TIAM2: variants seen among roughly 807,000 people sequenced by gnomAD.
TIAM2 encodes the protein TIAM Rac1 associated GEF 2, also known as rho guanine nucleotide exchange factor TIAM2.
TIAM2 carries 80 observed loss-of-function variants against 152.9 expected under a neutral mutation model. That is an observed-to-expected ratio of 0.52 (90% CI 0.44 to 0.63). The LOEUF (loss-of-function observed/expected upper bound fraction) is 0.63, where lower values mean the gene tolerates loss of function less well. Among genes scored for constraint, TIAM2 ranks in the 30% least tolerant of loss-of-function variants. The pLI is 0.00. For missense variants in TIAM2, 1,965 were observed against 2,120.1 expected, an observed-to-expected ratio of 0.93 and a Z score of 1.44; for synonymous variants, 804 against 838.0, an observed-to-expected ratio of 0.96 and a Z score of 0.70.
Position 155,130,319 on chromosome 6 carries a change from T to G in TIAM2, c.1096T>G (p.Phe366Val). The G allele has an allele frequency of 6.2e-7, 1 of 1,614,086 alleles. No individual in the cohort carries two copies. The highest frequency in any genetic ancestry group is 8.5e-7 in the Non-Finnish European group (1 of 1,180,018). The change falls in exon 4 of 27, where the codon TTT (phenylalanine) becomes GTT (valine). Residue 366 changes from phenylalanine (F) to valine (V), a missense_variant. Physicochemically the swap from Phe to Val is conservative, Grantham distance 50. Coordinates refer to ENST00000682666, the MANE Select transcript of TIAM2 (RefSeq NM_012454.4). ...FTLPCRKPKAFVEDTAKKDSL... is the reference protein window; with the variant it reads ...FTLPCRKPKAVVEDTAKKDSL... ...TCTCCCCTGTCGGAAGCCCAAAGCC[T>G]TTGTTGAGGATACTGCGAAGAAGGA...
At chr6:155,140,569 T>TGA (rs1243980626) in intron 5 of TIAM2, among the ~76,000 whole-genome samples, 7 of 113,446 alleles carry the variant, frequency 6.2e-5, no homozygotes, top group South Asian at 3.3e-4. Flanking sequence ...TGTGTGTGTG[T>TGA]GTGTGAGAGA....
intron 14 of TIAM2, among the ~76,000 whole-genome samples, chr6:155,209,199 G>A (rs1029302124): frequency 5.3e-5 from 8 of 151,596 alleles, no homozygotes; most frequent in Non-Finnish European, 1.2e-4. Context: ...CTCACCAACT[G>A]CCTCTCCCCA....
chr6:155,031,202 ATTCAC>A (rs941972817), intron 1 of TIAM2, among the ~76,000 whole-genome samples: 5 of 152,206 alleles, frequency 3.3e-5, no homozygotes, highest in African/African-American at 9.6e-5. Context: ...TGTAACACCT[ATTCAC>A]TTCTTGTCAA....
At chr6:155,158,560 CTTT>C (rs796728309) in intron 7 of TIAM2, among the ~76,000 whole-genome samples, 1 of 145,720 alleles carries the variant, frequency 6.9e-6, no homozygotes, top group South Asian at 2.2e-4. Context: ...ATGTTTTTTA[CTTT>C]TTTTTTTTTG....
intron 9 of TIAM2, among the ~76,000 whole-genome samples, chr6:155,170,544 T>C (rs1334934147): frequency 1.3e-5 from 2 of 152,174 alleles, no homozygotes; most frequent in Non-Finnish European, 2.9e-5. Context: ...GAGGTTGCAG[T>C]GAGCCAAGAT....
chr6:155,254,755 C>A (rs955737477), intron 26 of TIAM2, 182 bp downstream of exon 26: 2 of 666,266 alleles, frequency 3.0e-6, no homozygotes, highest in South Asian at 2.2e-5. Context: ...AATACAGCCA[C>A]CCCCAACCCC....
At position 155,168,982 on chromosome 6, in the gene TIAM2, GT is replaced by G. The variant is rs939972144; in HGVS notation, c.2361+3582del. On this transcript the variant is annotated intron_variant, in intron 9 of 26. Coordinates refer to ENST00000682666, the MANE Select transcript of TIAM2 (RefSeq NM_012454.4). ...AATGACACAAATGCTAACTTTTTCT[GT>G]TTTTTTTTGTTTGTTTTTGTTTTTG... The G allele has an allele frequency of 4.6e-4, 617 of 1,339,342 alleles. 4 individuals carry two copies. In the African/African-American group the frequency reaches 6.5e-3, roughly 14 times the overall value. The allele number at this position is 1,339,342 out of a possible 1,614,324, so 83.0% of individuals were successfully genotyped here.
intron 2 of TIAM2, among the ~76,000 whole-genome samples, chr6:155,104,064 ACCCC>A (rs1318379082): frequency 2.0e-5 from 1 of 49,032 alleles, no homozygotes; most frequent in African/African-American, 7.6e-5. Context: ...ACCCCCACAC[ACCCC>A]CACACACCAA....
intron 10 of TIAM2, among the ~76,000 whole-genome samples, chr6:155,177,195 A>G (rs1318042949): frequency 6.6e-6 from 1 of 152,220 alleles, no homozygotes; most frequent in Non-Finnish European, 1.5e-5. Context: ...TCATGATCCC[A>G]CACTTCCATG....
intron 16 of TIAM2, among the ~76,000 whole-genome samples, chr6:155,241,518 C>T (rs1783034631): frequency 6.6e-6 from 1 of 152,156 alleles, no homozygotes; most frequent in South Asian, 2.1e-4. Flanking sequence ...CTCTAAATGT[C>T]TTCCAACTCT....
rs577442266 is a variant in TIAM2 at position 155,213,897 on chromosome 6, C to T, written c.3168+2590C>T. Among the ~76,000 whole-genome samples, 4 of 152,358 alleles carry T rather than the reference C, an allele frequency of 2.6e-5. No homozygotes were observed. The highest frequency in any genetic ancestry group is 2.1e-4 in the South Asian group (1 of 4,830). On this transcript the variant is annotated intron_variant, in intron 15 of 26. Transcript: ENST00000682666. The surrounding 1 kb of genome is among the most constrained non-coding windows in gnomAD (Gnocchi z 4.2). ...ACTCAACTTTGCTCCAAGAGCAGAGCGGGCACCAGGAGTAGGGAGAAACCA... is the reference window on the plus strand; with the variant it reads ...ACTCAACTTTGCTCCAAGAGCAGAGTGGGCACCAGGAGTAGGGAGAAACCA...
At chr6:155,125,015 G>C (rs1345714926) in intron 2 of TIAM2, among the ~76,000 whole-genome samples, 5 of 152,090 alleles carry the variant, frequency 3.3e-5, no homozygotes, top group African/African-American at 9.7e-5. Context: ...GGTGCCTCAT[G>C]CTTGTAATCC....
intron 1 of TIAM2, among the ~76,000 whole-genome samples, chr6:155,018,923 C>T (rs1475256498): frequency 6.8e-6 from 1 of 148,118 alleles, no homozygotes; most frequent in East Asian, 2.0e-4. Flanking sequence ...ACCTGTAATC[C>T]CAGCTACTTG....
intron 19 of TIAM2, 23 bp downstream of exon 19, chr6:155,245,754 A>ACTTT (rs780216593): frequency 7.1e-6 from 4 of 562,928 alleles, no homozygotes; most frequent in Non-Finnish European, 7.5e-6. Context: ...TGCCTTTTAT[A>ACTTT]GTTTTTTTTT....
chr6:155,247,283 T>G (rs1783386884), intron 19 of TIAM2, among the ~76,000 whole-genome samples: 1 of 152,190 alleles, frequency 6.6e-6, no homozygotes. Context: ...TTATGAAATT[T>G]TTGTGGGTAT....
intron 1 of TIAM2, among the ~76,000 whole-genome samples, chr6:155,059,329 C>CGCATGTGCGT (rs141796855): frequency 3.7e-4 from 55 of 149,408 alleles, no homozygotes; most frequent in African/African-American, 1.3e-3. Flanking sequence ...TGTGTGTGCG[C>CGCATGTGCGT]GTGTATGTTT....
intron 15 of TIAM2, among the ~76,000 whole-genome samples, chr6:155,212,217 G>A (rs1343699737): frequency 2.6e-5 from 4 of 152,202 alleles, no homozygotes; most frequent in African/African-American, 9.7e-5. Context: ...GCCAAGGAGT[G>A]GAATTGCCAG....
chr6:155,178,957 T>C, intron 10 of TIAM2, 82 bp from the exon 11 acceptor site: 1 of 1,135,774 alleles, frequency 8.8e-7, no homozygotes, highest in Admixed American at 2.2e-5. Context: ...AGATTTCTAC[T>C]TTGATTTTTA....
intron 14 of TIAM2, among the ~76,000 whole-genome samples, chr6:155,189,949 C>T (rs1781156639): frequency 1.3e-5 from 2 of 152,022 alleles, no homozygotes; most frequent in African/African-American, 2.4e-5. Flanking sequence ...AGGGAAGGGC[C>T]TTTCACATAG....
Sources: gnomAD v4.1 joint callset for allele counts (sites outside exome capture counted in the v4.1 genomes callset) on GRCh38, gnomAD v4.1.1 for gene constraint, Gnocchi (gnomAD v3.1) non-coding constraint, MANE v1.5 for transcripts, NCBI Gene and HGNC (gene_info 2026-07-23, HGNC 2026-07-21) for gene names.